The following KCND2 variants were observed in gnomAD, a reference collection of about 807,000 sequenced individuals.
KCND2 encodes potassium voltage-gated channel subfamily D member 2.
KCND2 carries 16 observed loss-of-function variants against 54.4 expected under a neutral mutation model. That is an observed-to-expected ratio of 0.29 (90% CI 0.20 to 0.45). KCND2 has a LOEUF of 0.45. Among genes scored for constraint, KCND2 ranks in the 20% least tolerant of loss-of-function variants. KCND2 has a pLI of 1.00. For missense variants in KCND2, 486 were observed against 824.2 expected (o/e 0.59, Z 5.02); for synonymous variants, 317 against 310.7 (o/e 1.02, Z -0.21).
At chr7:120,457,912 T>G (rs1432712476) in intron 1 of KCND2, among the ~76,000 whole-genome samples, 1 of 152,198 alleles carries the variant, frequency 6.6e-6, no homozygotes, top group Non-Finnish European at 1.5e-5. Flanking sequence ...AGAGGTTTAA[T>G]TAACTCAGAG....
intron 1 of KCND2, among the ~76,000 whole-genome samples, chr7:120,430,171 A>G (rs1299585850): frequency 6.6e-6 from 1 of 152,150 alleles, no homozygotes. Flanking sequence ...AGGTGCTAGC[A>G]TGCTTGGTTT....
At chr7:120,526,100 C>G (rs996000249) in intron 1 of KCND2, among the ~76,000 whole-genome samples, 5 of 152,112 alleles carry the variant, frequency 3.3e-5, no homozygotes, top group Admixed American at 1.3e-4. Flanking sequence ...ACCCAATGCC[C>G]TCTCCCCAGG....
At chr7:120,528,131 A>T (rs1791799515) in intron 1 of KCND2, among the ~76,000 whole-genome samples, 2 of 152,150 alleles carry the variant, frequency 1.3e-5, no homozygotes, top group African/African-American at 4.8e-5. Flanking sequence ...CAATACTCTC[A>T]GGCCCACAGG....
chr7:120,398,043 TC>T (rs1474752533), intron 1 of KCND2, among the ~76,000 whole-genome samples: 1 of 135,116 alleles, frequency 7.4e-6, no homozygotes, highest in Non-Finnish European at 1.6e-5. Flanking sequence ...ATATATTTGC[TC>T]TTTTTCCAGC....
intron 1 of KCND2, among the ~76,000 whole-genome samples, chr7:120,301,843 G>A (rs1340238787): frequency 6.6e-6 from 1 of 152,064 alleles, no homozygotes; most frequent in Non-Finnish European, 1.5e-5. Context: ...ATCGTTTTGT[G>A]CATCACCCCT....
chr7:120,675,411 T>G (rs1180103660), intron 1 of KCND2, among the ~76,000 whole-genome samples: 1 of 151,792 alleles, frequency 6.6e-6, no homozygotes, highest in African/African-American at 2.4e-5. Flanking sequence ...TTTTTTTTTT[T>G]TATTTTTAGT....
At chr7:120,542,635 C>T (rs367907174) in intron 1 of KCND2, among the ~76,000 whole-genome samples, 4 of 152,170 alleles carry the variant, frequency 2.6e-5, no homozygotes, top group Non-Finnish European at 4.4e-5. Context: ...GAGATTTGTC[C>T]TCTCAGTGCC....
chr7:120,608,889 A>G (rs956848032), intron 1 of KCND2, among the ~76,000 whole-genome samples: 1 of 152,178 alleles, frequency 6.6e-6, no homozygotes, highest in Admixed American at 6.5e-5. Flanking sequence ...TTAAAAACAA[A>G]CAAACAAAAA....
At chr7:120,436,484 A>C (rs73724204) in intron 1 of KCND2, among the ~76,000 whole-genome samples, 3,118 of 152,308 alleles carry the variant, frequency 0.02, 119 homozygotes, top group African/African-American at 0.071. Context: ...GCATAAGCTC[A>C]GGTGTTCAAG....
At chr7:120,360,678 C>T (rs996779266) in intron 1 of KCND2, among the ~76,000 whole-genome samples, 6 of 151,962 alleles carry the variant, frequency 3.9e-5, no homozygotes, top group Non-Finnish European at 5.9e-5. Context: ...TTTTTCTTCC[C>T]TGTCATTGAC....
At chr7:120,543,680 G>A (rs1198751081) in intron 1 of KCND2, among the ~76,000 whole-genome samples, 1 of 151,956 alleles carries the variant, frequency 6.6e-6, no homozygotes, top group Non-Finnish European at 1.5e-5. Context: ...TGTAATGTAT[G>A]TACAATGTGT....
chr7:120,398,631 G>A (rs1398242572), intron 1 of KCND2, among the ~76,000 whole-genome samples: 2 of 152,078 alleles, frequency 1.3e-5, no homozygotes, highest in East Asian at 1.9e-4. Context: ...AATGCAAACA[G>A]TAAAAGGTGT....
intron 1 of KCND2, among the ~76,000 whole-genome samples, chr7:120,727,570 T>C (rs1202093225): frequency 2.0e-5 from 3 of 152,202 alleles, no homozygotes; most frequent in African/African-American, 2.4e-5. Context: ...TTCTGAGGAA[T>C]TGGTCTTCCA....
chr7:120,465,020 A>G (rs968222920), intron 1 of KCND2, among the ~76,000 whole-genome samples: 2 of 152,270 alleles, frequency 1.3e-5, no homozygotes, highest in East Asian at 1.9e-4. Context: ...CATGTAAGAT[A>G]ACATAATCAT....
In KCND2 at chr7:120,273,490, C is replaced by T. The variant is rs1799113916; in HGVS notation, c.-1143C>T. 6.6e-6 allele frequency among the ~76,000 whole-genome samples: 1 copy of T among 151,406 alleles called. No homozygotes were observed. Among genetic ancestry groups the T allele is most frequent in the Non-Finnish European group, 1.5e-5 (1 of 67,788 alleles). Reference sequence around the variant, plus strand: ...CGACAGTGGCCCCGCAGTAAGTTGGCAGGAGCGAGTCCCCTCCGTTCTCGC... The same window carrying T: ...CGACAGTGGCCCCGCAGTAAGTTGGTAGGAGCGAGTCCCCTCCGTTCTCGC... On this transcript the variant is annotated 5_prime_UTR_variant, in exon 1 of 6. Transcript: ENST00000331113.
At position 120,354,792 on chromosome 7, in the gene KCND2, C is replaced by A. The variant is rs550527065; in HGVS notation, c.1115+79045C>A. 6.8e-4 allele frequency among the ~76,000 whole-genome samples: 104 copies of A among 151,964 alleles called. 1 individual carries two copies. Among genetic ancestry groups the A allele is most frequent in the African/African-American group, 1.6e-3 (68 of 41,390 alleles). On this transcript the variant is annotated intron_variant, in intron 1 of 5. Transcript: ENST00000331113. ...AAACAGAAAGAAAAGAAAAGAAAAG[C>A]AAAGAAAAGAAGAAACATTTTTGCT...
chr7:120,556,653 G>T (rs13224331), intron 1 of KCND2, among the ~76,000 whole-genome samples: 105,213 of 151,936 alleles, frequency 0.69, 38,810 homozygotes, highest in Middle Eastern at 0.88. Flanking sequence ...ATTTTTGGGA[G>T]GCAGAATGAG....
Position 120,498,761 on chromosome 7 carries a change from C to T in KCND2, c.1115+223014C>T, listed in dbSNP as rs532040213. On this transcript the variant is annotated intron_variant, in intron 1 of 5. Coordinates refer to ENST00000331113, the MANE Select transcript of KCND2 (RefSeq NM_012281.3). ...CTGCATTCCAGTCTGGGTGACAGAG[C>T]GAGACTCCATCTCAAAAACAAATAC... Among the ~76,000 whole-genome samples, 6 of 151,900 alleles carry T rather than the reference C, an allele frequency of 3.9e-5. No individual in the cohort carries two copies. The South Asian group carries it at 1.0e-3, about 26-fold the overall frequency.
intron 1 of KCND2, among the ~76,000 whole-genome samples, chr7:120,455,796 A>T (rs1410639096): frequency 1.3e-5 from 2 of 152,124 alleles, no homozygotes; most frequent in African/African-American, 4.8e-5. Context: ...ATACTTATGG[A>T]TACATATGTA....
Sources: allele counts gnomAD v4.1 joint callset (sites outside exome capture counted in the v4.1 genomes callset), GRCh38; gene constraint gnomAD v4.1.1; transcripts MANE v1.5; gene names NCBI Gene and HGNC (gene_info 2026-07-23, HGNC 2026-07-21).